Variants in MPP4 observed in about 807,000 individuals in gnomAD.
MPP4 encodes the protein MAGUK p55 scaffold protein 4.
A neutral mutation model predicts 98.3 loss-of-function variants in MPP4; 91 were observed. That is an observed-to-expected ratio of 0.93 (90% CI 0.78 to 1.10). The LOEUF is 1.10. MPP4 is among the 50% of genes least tolerant of loss of function. The pLI is 0.00. For missense variants in MPP4, 744 were observed against 792.9 expected (o/e 0.94, Z 0.74); for synonymous variants, 261 against 271.8 (o/e 0.96, Z 0.39).
intron 1 of MPP4, among the ~76,000 whole-genome samples, chr2:201,696,209 T>G (rs2105953775): frequency 6.6e-6 from 1 of 152,340 alleles, no homozygotes; most frequent in South Asian, 2.1e-4. Flanking sequence ...ATCGTTATGC[T>G]TTTGACTTGC....
At chr2:201,695,786 C>T (rs900578061) in intron 1 of MPP4, among the ~76,000 whole-genome samples, 4 of 152,158 alleles carry the variant, frequency 2.6e-5, no homozygotes, top group African/African-American at 7.2e-5. Flanking sequence ...TGTATACCTT[C>T]GGATAGGAAG....
chr2:201,651,323 A>C (rs910103053), intron 18 of MPP4: 1 of 985,278 alleles, frequency 1.0e-6, no homozygotes, highest in African/African-American at 1.7e-5. Context: ...CTCTCATCAG[A>C]TCCTTAGAGT....
At chr2:201,694,244 C>G (rs1056420398) in intron 1 of MPP4, among the ~76,000 whole-genome samples, 190 bp from the exon 2 acceptor site, 2 of 152,120 alleles carry the variant, frequency 1.3e-5, no homozygotes, top group Non-Finnish European at 2.9e-5. Flanking sequence ...ATTTTTTAGC[C>G]TTTCAGAAGA....
chr2:201,692,692 T>C (rs1689071412), intron 3 of MPP4, among the ~76,000 whole-genome samples: 2 of 152,088 alleles, frequency 1.3e-5, no homozygotes, highest in African/African-American at 4.8e-5. Context: ...TAGCAAGAAG[T>C]TACCATTTAG....
chr2:201,661,200 C>T (rs1336837401), intron 14 of MPP4, among the ~76,000 whole-genome samples: 1 of 148,320 alleles, frequency 6.7e-6, no homozygotes, highest in Non-Finnish European at 1.5e-5. Flanking sequence ...GGATTAGAGG[C>T]GTGAGCCACC....
chr2:201,650,026 G>A (rs1409777805), intron 19 of MPP4, 46 bp downstream of exon 19: 1 of 1,478,436 alleles, frequency 6.8e-7, no homozygotes, highest in African/African-American at 1.4e-5. Context: ...TATTTCAAAT[G>A]TAAAACAACA....
intron 12 of MPP4, among the ~76,000 whole-genome samples, chr2:201,667,113 C>G (rs1345702345): frequency 1.3e-5 from 2 of 152,160 alleles, no homozygotes; most frequent in East Asian, 3.8e-4. Flanking sequence ...TGTGAATTAT[C>G]TTTACCTTTA....
rs935764326 is a variant in MPP4, at chr2:201,650,099, G to A, written c.1448C>T (p.Thr483Ile). ...GREYHYVSKE[T>I]FENLIYSHRM... ...GTGACTATATATGAGGTTTTCAAATGTTTCCTTGGACACATAGTGATACTC... is the reference window on the plus strand; with the variant it reads ...GTGACTATATATGAGGTTTTCAAATATTTCCTTGGACACATAGTGATACTC... Residue 483 changes from threonine (T) to isoleucine (I), a missense_variant, in exon 19 of 22, where the codon ACA becomes ATA. Coordinates refer to ENST00000409474, the MANE Select transcript of MPP4 (RefSeq NM_033066.3). 6.3e-7 allele frequency: 1 copy of A among 1,578,748 alleles called. No homozygotes were observed. The highest frequency in any genetic ancestry group is 8.6e-7 in the Non-Finnish European group (1 of 1,160,162).
intron 3 of MPP4, among the ~76,000 whole-genome samples, chr2:201,692,020 C>A (rs1261155896): frequency 6.6e-6 from 1 of 152,048 alleles, no homozygotes; most frequent in Non-Finnish European, 1.5e-5. Context: ...TTCCAGGGGG[C>A]CTCTGGAAGA....
Position 201,687,271 on chromosome 2 carries a change from C to T in MPP4, c.360+20G>A. The T allele has an allele frequency of 3.9e-6, 6 of 1,556,652 alleles. No homozygotes were observed. Among genetic ancestry groups the T allele is most frequent in the Non-Finnish European group, 5.2e-6 (6 of 1,148,216 alleles). On this transcript the variant is annotated intron_variant, in intron 5 of 21. Coordinates refer to ENST00000409474, the MANE Select transcript of MPP4 (RefSeq NM_033066.3). ...TATGTGCCAGATGGGGACATCTTTTCTATTTTAGCAGGCACTTGCCTTGAA... is the reference window on the plus strand; with the variant it reads ...TATGTGCCAGATGGGGACATCTTTTTTATTTTAGCAGGCACTTGCCTTGAA...
rs766050869 is a variant in MPP4 at position 201,666,333 on chromosome 2, C to T, written c.1051+1G>A. On this transcript the variant is annotated splice_donor_variant, in intron 13 of 21. Coordinates refer to ENST00000409474, the MANE Select transcript of MPP4 (RefSeq NM_033066.3). LOFTEE classifies it high-confidence loss of function. ...GCAAAGCAATCAAGAGAAAATGTTA[C>T]CTGCTTCCACACATTTCTCATCAAT... 6 of 1,555,642 alleles carry T rather than the reference C, an allele frequency of 3.9e-6. No individual in the cohort carries two copies. In the East Asian group the frequency reaches 1.4e-4, roughly 37 times the overall value.
chr2:201,674,383 A>AAT (rs1688439794), intron 11 of MPP4, among the ~76,000 whole-genome samples: 2 of 152,226 alleles, frequency 1.3e-5, no homozygotes, highest in Admixed American at 1.3e-4. Context: ...AGGACTTCAG[A>AAT]TGGCTGGCTG....
chr2:201,665,694 T>C (rs1186281495), intron 13 of MPP4: 1 of 152,216 alleles, frequency 6.6e-6, no homozygotes, highest in African/African-American at 2.4e-5. Flanking sequence ...TTTAAAATTT[T>C]ACATTGTTCT....
chr2:201,655,366 C>T (rs898371379), intron 17 of MPP4, among the ~76,000 whole-genome samples: 2 of 152,308 alleles, frequency 1.3e-5, no homozygotes, highest in East Asian at 1.9e-4. Flanking sequence ...CCCCCATGTC[C>T]GGCCGGAGGC....
At position 201,694,016 on chromosome 2, in the gene MPP4, C is replaced by T. The variant is rs1370525768; in HGVS notation, c.-62G>A. ...AGGAAGCGGGTCAATACACGGCACACAGCTCACTCAGTCCCACTGGCCACC... is the reference window on the plus strand; with the variant it reads ...AGGAAGCGGGTCAATACACGGCACATAGCTCACTCAGTCCCACTGGCCACC... On this transcript the variant is annotated 5_prime_UTR_variant, in exon 2 of 22. In the 5' UTR this introduces an upstream ATG that the reference lacks. Transcript: ENST00000409474. The T allele has an allele frequency of 1.9e-6, 3 of 1,613,236 alleles. No individual in the cohort carries two copies. The highest frequency in any genetic ancestry group is 2.2e-5 in the South Asian group (2 of 91,068).
intron 8 of MPP4, 35 bp downstream of exon 8, chr2:201,682,796 C>T (rs766371229): frequency 8.8e-6 from 14 of 1,588,404 alleles, no homozygotes; most frequent in Admixed American, 1.7e-5. Flanking sequence ...GGCATTTCTC[C>T]AAGTCATTAA....
At position 201,645,266 on chromosome 2, in the gene MPP4, C is replaced by T. The variant is rs1332830139; in HGVS notation, c.1858G>A (p.Glu620Lys). The part of the protein sequence containing the change: ...QLLSAIQKAQ[E>K]EPQWVPATWI... ...GTTGCTGGTACCCACTGAGGCTCCT[C>T]CTGAGCCTTCTGTATGGCAGACAAC... The change falls in exon 22 of 22, where the codon GAG becomes AAG. Residue 620 changes from glutamate (E) to lysine (K), a missense_variant. By Grantham distance (56) the Glu-to-Lys change is moderately conservative (BLOSUM62 1). Coordinates refer to ENST00000409474, the MANE Select transcript of MPP4 (RefSeq NM_033066.3). The T allele has an allele frequency of 6.2e-7, 1 of 1,613,958 alleles. No homozygotes were observed. The highest frequency in any genetic ancestry group is 8.5e-7 in the Non-Finnish European group (1 of 1,179,834).
chr2:201,656,270 C>A lies in MPP4; in HGVS notation c.1228G>T (p.Gly410Cys), dbSNP rs1559004390. ...CCTGSCYSAV[G>C]APYEEVVRYQ... Reference sequence around the variant, plus strand: ...CTCACCACCTCCTCGTAAGGGGCACCCACTGCACTGTAGCAGCTGCCGGTG... The same window carrying A: ...CTCACCACCTCCTCGTAAGGGGCACACACTGCACTGTAGCAGCTGCCGGTG... Residue 410 changes from glycine (G) to cysteine (C), a missense_variant, in exon 17 of 22, where the codon GGT becomes TGT. Gly to Cys is a radical substitution (Grantham distance 159, BLOSUM62 -3). Transcript: ENST00000409474. 1 of 1,596,290 alleles carries A rather than the reference C, an allele frequency of 6.3e-7. No individual in the cohort carries two copies. Among genetic ancestry groups the A allele is most frequent in the East Asian group, 2.3e-5 (1 of 44,180 alleles).
chr2:201,690,156 G>C (rs745894940), intron 4 of MPP4, 46 bp downstream of exon 4: 1 of 1,283,476 alleles, frequency 7.8e-7, no homozygotes, highest in Non-Finnish European at 1.1e-6. Context: ...GGGGAAAATG[G>C]CACCACATCA....
Sources: allele counts gnomAD v4.1 joint callset (sites outside exome capture counted in the v4.1 genomes callset), GRCh38; gene constraint gnomAD v4.1.1; transcripts MANE v1.5; gene names NCBI Gene and HGNC (gene_info 2026-07-23, HGNC 2026-07-21).